Variants in EXOC6B observed in about 807,000 individuals in gnomAD.
EXOC6B encodes the protein exocyst complex component 6B, also known as SEC15 homolog B.
EXOC6B carries 54 observed loss-of-function variants against 113.5 expected under a neutral mutation model. The ratio of observed to expected loss-of-function variants is 0.48; its 90% CI spans 0.38 to 0.60. The LOEUF (loss-of-function observed/expected upper bound fraction) is 0.60. EXOC6B is among the 20% of genes least tolerant of loss of function. The pLI, the probability that EXOC6B is intolerant of heterozygous loss-of-function variation, is 0.00. For missense variants in EXOC6B, 797 were observed against 977.5 expected (o/e 0.82, Z 2.46); for synonymous variants, 357 against 339.0 (o/e 1.05, Z -0.58).
chr2:72,393,056 T>C (rs1692486775), intron 18 of EXOC6B, among the ~76,000 whole-genome samples: 1 of 151,994 alleles, frequency 6.6e-6, no homozygotes, highest in Admixed American at 6.6e-5. Context: ...AAAGGGGAAC[T>C]TAATGAAGGT....
chr2:72,797,338 A>G (rs1462316446), intron 1 of EXOC6B, among the ~76,000 whole-genome samples: 1 of 152,258 alleles, frequency 6.6e-6, no homozygotes, highest in Non-Finnish European at 1.5e-5. Flanking sequence ...CAGAAAAGGA[A>G]GGTACTCTAG....
At chr2:72,621,317 T>A (rs1348550216) in intron 6 of EXOC6B, among the ~76,000 whole-genome samples, 3 of 152,132 alleles carry the variant, frequency 2.0e-5, no homozygotes, top group Non-Finnish European at 4.4e-5. Flanking sequence ...TGGAATACTA[T>A]GAAGCCATAA....
chr2:72,693,692 C>T (rs1360342192), intron 6 of EXOC6B, among the ~76,000 whole-genome samples: 1 of 152,128 alleles, frequency 6.6e-6, no homozygotes, highest in Non-Finnish European at 1.5e-5. Flanking sequence ...ATTATTGTGG[C>T]TGCTTTGTAC....
In EXOC6B at chr2:72,376,602, C is replaced by T. The variant is rs368380923; in HGVS notation, c.2122+3127G>A. ...AGCTATTTAAATTCGTGTGTTAATA[C>T]TTTTTCTCAAACCTGAGAAACTTTG... On this transcript the variant is annotated intron_variant, in intron 19 of 21. Coordinates refer to ENST00000272427, the MANE Select transcript of EXOC6B (RefSeq NM_015189.3). Among the ~76,000 whole-genome samples the T allele has an allele frequency of 1.4e-4, 22 of 152,170 alleles. 2 individuals carry two copies. The highest frequency in any genetic ancestry group is 4.6e-4 in the African/African-American group (19 of 41,550).
intron 13 of EXOC6B, among the ~76,000 whole-genome samples, chr2:72,496,948 CATTATTATTATT>C (rs57708306): frequency 0.02 from 2,723 of 137,818 alleles, 86 homozygotes; most frequent in African/African-American, 0.067. Flanking sequence ...TATAAATGTA[CATTATTATTATT>C]ATTATTATTA....
At chr2:72,460,589 C>T (rs1185767163) in intron 18 of EXOC6B, among the ~76,000 whole-genome samples, 1 of 149,874 alleles carries the variant, frequency 6.7e-6, no homozygotes, top group Non-Finnish European at 1.5e-5. Flanking sequence ...TTTATGCAGC[C>T]AGAAAACACA....
intron 6 of EXOC6B, among the ~76,000 whole-genome samples, chr2:72,666,727 C>A (rs1230793633): frequency 1.3e-5 from 2 of 150,224 alleles, no homozygotes; most frequent in Non-Finnish European, 3.0e-5. Flanking sequence ...TTTCTATACA[C>A]CAATTACATT....
intron 19 of EXOC6B, among the ~76,000 whole-genome samples, chr2:72,349,067 T>C (rs1572950723): frequency 6.6e-6 from 1 of 152,182 alleles, no homozygotes; most frequent in African/African-American, 2.4e-5. Context: ...TAATGGGGAT[T>C]CTAGCCCTTG....
intron 20 of EXOC6B, among the ~76,000 whole-genome samples, chr2:72,317,559 T>TCACACACACACACACACACA (rs72124979): frequency 8.5e-5 from 12 of 140,600 alleles, no homozygotes; most frequent in African/African-American, 2.6e-4. Context: ...TATGAACACA[T>TCACACACACACACACACACA]CACACACACA....
rs1035981374 is a variant in EXOC6B, at chr2:72,528,894, T to G, written c.916-13768A>C. ...TATGTTATCCTATATCCTGCCATCT[T>G]GCTGCACTCACTTATTAGTACTAGG... On this transcript the variant is annotated intron_variant, in intron 8 of 21. Coordinates refer to ENST00000272427, the MANE Select transcript of EXOC6B (RefSeq NM_015189.3). Among the ~76,000 whole-genome samples the G allele has an allele frequency of 2.6e-5, 4 of 152,256 alleles. No individual in the cohort carries two copies. In the South Asian group the frequency reaches 8.3e-4, roughly 32 times the overall value.
intron 7 of EXOC6B, among the ~76,000 whole-genome samples, chr2:72,566,171 C>G (rs930976352): frequency 1.3e-5 from 2 of 152,024 alleles, no homozygotes; most frequent in African/African-American, 4.8e-5. Flanking sequence ...TCCCTATGCC[C>G]CTTTGTAGTA....
At chr2:72,776,138 T>C (rs1683688190) in intron 1 of EXOC6B, among the ~76,000 whole-genome samples, 1 of 152,128 alleles carries the variant, frequency 6.6e-6, no homozygotes, top group African/African-American at 2.4e-5. Context: ...ATATGTAATT[T>C]CTTATAACTG....
chr2:72,487,221 G>A (rs545283227), intron 16 of EXOC6B, among the ~76,000 whole-genome samples: 21 of 152,138 alleles, frequency 1.4e-4, no homozygotes, highest in Admixed American at 3.3e-4. Flanking sequence ...TTTCCTTAAC[G>A]TTCTTTATCT....
chr2:72,351,171 A>G (rs886941054), intron 19 of EXOC6B, among the ~76,000 whole-genome samples: 1 of 152,214 alleles, frequency 6.6e-6, no homozygotes, highest in Non-Finnish European at 1.5e-5. Flanking sequence ...AAGGTACATC[A>G]TTCAGAATGA....
chr2:72,708,926 T>TTTTTTGAAAA (rs1679073501), intron 6 of EXOC6B, among the ~76,000 whole-genome samples: 1 of 133,386 alleles, frequency 7.5e-6, no homozygotes, highest in African/African-American at 2.6e-5. Context: ...TTTTTTTTTG[T>TTTTTTGAAAA]AGAGACAAAG....
chr2:72,498,288 C>G (rs923545208), intron 13 of EXOC6B, among the ~76,000 whole-genome samples, 166 bp downstream of exon 13: 1 of 152,128 alleles, frequency 6.6e-6, no homozygotes, highest in Non-Finnish European at 1.5e-5. Flanking sequence ...TAATTTTGGA[C>G]GTTCTAACAG....
chr2:72,734,573 T>C (rs1336765137), intron 2 of EXOC6B, among the ~76,000 whole-genome samples: 2 of 152,086 alleles, frequency 1.3e-5, no homozygotes, highest in South Asian at 2.1e-4. Flanking sequence ...AATGCAGCCA[T>C]AAAGAAAATA....
intron 6 of EXOC6B, among the ~76,000 whole-genome samples, chr2:72,592,916 T>C (rs1467905225): frequency 6.6e-6 from 1 of 152,138 alleles, no homozygotes; most frequent in Non-Finnish European, 1.5e-5. Context: ...GGCTGGTTAC[T>C]AGAGGAATCA....
rs190444941 is a variant in EXOC6B, at chr2:72,644,937, A to C, written c.670-69269T>G. ...TGACAGGATCAAATTCACACATAAC[A>C]ATATTAACCTTAAATGTAAATGGGC... On this transcript the variant is annotated intron_variant, in intron 6 of 21. Coordinates refer to ENST00000272427, the MANE Select transcript of EXOC6B (RefSeq NM_015189.3). Among the ~76,000 whole-genome samples the C allele has an allele frequency of 3.0e-3, 461 of 152,310 alleles. 2 individuals carry two copies. Among genetic ancestry groups the C allele is most frequent in the Non-Finnish European group, 5.1e-3 (349 of 68,024 alleles).
Sources: gnomAD v4.1 joint callset for allele counts (sites outside exome capture counted in the v4.1 genomes callset) on GRCh38, gnomAD v4.1.1 for gene constraint, MANE v1.5 for transcripts, NCBI Gene and HGNC (gene_info 2026-07-23, HGNC 2026-07-21) for gene names.